RAPGEF2: variants seen among roughly 807,000 people sequenced by gnomAD.
RAPGEF2 encodes the protein Rap guanine nucleotide exchange factor 2, also known as PDZ domain containing guanine nucleotide exchange factor (GEF) 1.
RAPGEF2 carries 54 observed loss-of-function variants against 186.7 expected under a neutral mutation model. The ratio of observed to expected loss-of-function variants is 0.29; its 90% confidence interval spans 0.23 to 0.36. The LOEUF (loss-of-function observed/expected upper bound fraction) is 0.36, where lower values mean the gene tolerates loss of function less well. Ranked by LOEUF, RAPGEF2 falls within the 10% of genes least tolerant of loss-of-function variation. The pLI is 1.00. For synonymous variants in RAPGEF2, 712 were observed against 705.9 expected, an observed-to-expected ratio of 1.01 and a Z score of -0.14; for missense variants, 1,532 against 2,045.0, an observed-to-expected ratio of 0.75 and a Z score of 4.84.
chr4:159,348,253 T>C (rs1466201058), intron 25 of RAPGEF2, among the ~76,000 whole-genome samples: 3 of 64,974 alleles, frequency 4.6e-5, no homozygotes, highest in Non-Finnish European at 1.4e-4. Flanking sequence ...GATGGATGGA[T>C]GGATGGATGG....
chr4:159,202,332 G>A (rs1345767505), intron 3 of RAPGEF2, among the ~76,000 whole-genome samples: 2 of 152,092 alleles, frequency 1.3e-5, no homozygotes, highest in Admixed American at 1.3e-4. Flanking sequence ...TTCATATTTT[G>A]TCAGGATCAT....
intron 1 of RAPGEF2, among the ~76,000 whole-genome samples, chr4:159,120,854 A>ATTTTTTTTTTT (rs1739598149): frequency 6.6e-6 from 1 of 151,354 alleles, no homozygotes; most frequent in Admixed American, 6.6e-5. Flanking sequence ...TAATTTTTAA[A>ATTTTTTTTTTT]TTATTTTATT....
chr4:159,271,838 T>C (rs1279085161), intron 7 of RAPGEF2, among the ~76,000 whole-genome samples: 2 of 152,242 alleles, frequency 1.3e-5, no homozygotes, highest in Admixed American at 6.5e-5. Context: ...TATAAAACTT[T>C]CATTGCTTGG....
chr4:159,277,756 C>T (rs987867835), intron 7 of RAPGEF2, among the ~76,000 whole-genome samples: 7 of 152,066 alleles, frequency 4.6e-5, no homozygotes, highest in Non-Finnish European at 8.8e-5. Flanking sequence ...ATCCTTTGCC[C>T]GCTTTTTTAT....
chr4:159,338,988 G>A (rs1282501706), intron 18 of RAPGEF2, 126 bp from the exon 19 acceptor site: 1 of 1,130,256 alleles, frequency 8.8e-7, no homozygotes, highest in Non-Finnish European at 1.3e-6. Flanking sequence ...AAGACCTAGA[G>A]TAAGGGAGAG....
intron 7 of RAPGEF2, among the ~76,000 whole-genome samples, chr4:159,261,064 TTAA>T (rs1756788016): frequency 7.2e-6 from 1 of 139,590 alleles, no homozygotes; most frequent in South Asian, 2.3e-4. Flanking sequence ...CAGGAAAAGG[TTAA>T]TTTTTTTTTT....
intron 29 of RAPGEF2, among the ~76,000 whole-genome samples, chr4:159,357,655 AAACCCACACCCTGTCTC>A (rs1406654287): frequency 5.3e-5 from 8 of 152,348 alleles, no homozygotes; most frequent in Non-Finnish European, 1.2e-4. Flanking sequence ...TGTGGATGGC[AAACCCACACCCTGTCTC>A]AAAAAAGTTA....
At chr4:159,241,412 TG>T (rs1357816361) in intron 6 of RAPGEF2, 44 bp downstream of exon 6, 2 of 1,231,918 alleles carry the variant, frequency 1.6e-6, no homozygotes, top group East Asian at 5.9e-5. Context: ...TCTAGTTTTT[TG>T]TTGGGGTTTT....
At chr4:159,282,638 A>G (rs1759879198) in intron 7 of RAPGEF2, 1 of 450,496 alleles carries the variant, frequency 2.2e-6, no homozygotes, top group South Asian at 1.6e-5. Context: ...AGACTACATC[A>G]TGGTATGTAT....
intron 7 of RAPGEF2, among the ~76,000 whole-genome samples, chr4:159,264,967 A>G (rs10428517): frequency 0.056 from 8,576 of 152,280 alleles, 814 homozygotes; most frequent in African/African-American, 0.19. Flanking sequence ...CATATACCAC[A>G]CTTGTATGAA....
intron 3 of RAPGEF2, among the ~76,000 whole-genome samples, chr4:159,195,057 C>T (rs1748493931): frequency 6.6e-6 from 1 of 152,030 alleles, no homozygotes; most frequent in African/African-American, 2.4e-5. Context: ...TCTGAGGTTG[C>T]AACATGTGAA....
rs139502827 is a variant in RAPGEF2 at position 159,114,811 on chromosome 4, C to A, written c.69+10580C>A. Among the ~76,000 whole-genome samples the A allele has an allele frequency of 3.9e-3, 594 of 151,982 alleles. 2 individuals carry two copies. Among genetic ancestry groups the A allele is most frequent in the African/African-American group, 0.014 (560 of 41,444 alleles). ...TTTCTTTCCTGTGACCTTAAAAATTCTTTAAATGGTTACTTTTGGTAGGAG... is the reference window on the plus strand; with the variant it reads ...TTTCTTTCCTGTGACCTTAAAAATTATTTAAATGGTTACTTTTGGTAGGAG... On this transcript the variant is annotated intron_variant, in intron 1 of 29. Transcript: ENST00000691494.
rs1461711459 is a variant in RAPGEF2, at chr4:159,353,764, G to A, written c.4369G>A (p.Asp1457Asn). ...AGLWASSSHM[D>N]QIMFSDHSTK... The stretch of plus-strand genomic sequence containing the variant: ...TTTATGGGCATCAAGCAGCCATATG[G>A]ACCAAATTATGTTTTCTGATCATAG... The change falls in exon 28 of 30, where the codon GAC becomes AAC. Residue 1457 changes from aspartate (D) to asparagine (N), a missense_variant. By Grantham distance (23) the Asp-to-Asn change is conservative. Transcript: ENST00000691494. This position sits in a 1 kb window ranked among gnomAD's most constrained non-coding sequence, Gnocchi z 4.3. 2 of 1,613,926 alleles carry A rather than the reference G, an allele frequency of 1.2e-6. No individual in the cohort carries two copies. The highest frequency in any genetic ancestry group is 2.2e-5 in the East Asian group (1 of 44,894).
chr4:159,198,794 TC>T (rs1749086364), intron 3 of RAPGEF2, among the ~76,000 whole-genome samples: 1 of 152,096 alleles, frequency 6.6e-6, no homozygotes, highest in Admixed American at 6.5e-5. Context: ...GAAGTATTTT[TC>T]TGTCCTAATT....
At chr4:159,154,524 A>C (rs1414469026) in intron 1 of RAPGEF2, among the ~76,000 whole-genome samples, 1 of 151,438 alleles carries the variant, frequency 6.6e-6, no homozygotes, top group Non-Finnish European at 1.5e-5. Context: ...TTTTTTAAAA[A>C]AAACAACCAC....
intron 7 of RAPGEF2, chr4:159,267,932 T>C (rs1247249446): frequency 2.3e-6 from 3 of 1,305,610 alleles, no homozygotes; most frequent in African/African-American, 1.5e-5. Context: ...GTTTCAATGT[T>C]ATAAAAATGG....
intron 1 of RAPGEF2, among the ~76,000 whole-genome samples, chr4:159,166,037 G>C (rs1745276462): frequency 6.6e-6 from 1 of 152,130 alleles, no homozygotes; most frequent in African/African-American, 2.4e-5. Context: ...GTAAGGAAAA[G>C]GGGCCGGGAG....
intron 3 of RAPGEF2, among the ~76,000 whole-genome samples, chr4:159,208,612 A>G (rs1750200291): frequency 6.6e-6 from 1 of 152,166 alleles, no homozygotes; most frequent in African/African-American, 2.4e-5. Flanking sequence ...TGTTCAGACT[A>G]TTTTGTGTGT....
intron 2 of RAPGEF2, among the ~76,000 whole-genome samples, chr4:159,188,275 A>G (rs146883082): frequency 2.6e-5 from 4 of 152,340 alleles, no homozygotes; most frequent in African/African-American, 9.6e-5. Context: ...TAATATTTAG[A>G]TATATTGATT....
Sources: gnomAD v4.1 joint callset for allele counts (sites outside exome capture counted in the v4.1 genomes callset) on GRCh38, gnomAD v4.1.1 for gene constraint, Gnocchi (gnomAD v3.1) non-coding constraint, MANE v1.5 for transcripts, NCBI Gene and HGNC (gene_info 2026-07-23, HGNC 2026-07-21) for gene names.